TBC1D19: variants seen among roughly 807,000 people sequenced by gnomAD.
TBC1D19 encodes TBC1 domain family member 19, also known as TBC1 domain family, member 19.
In TBC1D19, 60 loss-of-function variants were observed where a neutral mutation model predicts 89.0. That is an observed-to-expected ratio of 0.67 (90% CI 0.55 to 0.84). The LOEUF (loss-of-function observed/expected upper bound fraction) is 0.84, where lower values mean the gene tolerates loss of function less well. TBC1D19 is among the 40% of genes least tolerant of loss of function. TBC1D19 has a pLI of 0.00. For synonymous variants in TBC1D19, 189 were observed against 199.7 expected (o/e 0.95, Z 0.45); for missense variants, 500 against 610.8 (o/e 0.82, Z 1.91).
chr4:26,628,107 C>T (rs540055682), intron 4 of TBC1D19, among the ~76,000 whole-genome samples: 1 of 152,158 alleles, frequency 6.6e-6, no homozygotes, highest in African/African-American at 2.4e-5. Flanking sequence ...CTACATATGG[C>T]TAGCCAGTTT....
At chr4:26,757,460 G>A (rs1719308573), downstream of TBC1D19, among the ~76,000 whole-genome samples, 1 of 152,194 alleles carries the variant, frequency 6.6e-6, no homozygotes, top group Admixed American at 6.5e-5. Flanking sequence ...AGTAAACAGT[G>A]ATACATTGGC....
chr4:26,657,014 T>TCTC (rs1744887649), intron 7 of TBC1D19, among the ~76,000 whole-genome samples: 1 of 120,176 alleles, frequency 8.3e-6, no homozygotes, highest in Non-Finnish European at 1.7e-5. Flanking sequence ...TCCTTCTCCT[T>TCTC]CTCCTTCTCC....
chr4:26,691,745 T>C (rs949872965), intron 13 of TBC1D19, among the ~76,000 whole-genome samples: 2 of 152,230 alleles, frequency 1.3e-5, no homozygotes, highest in Non-Finnish European at 2.9e-5. Context: ...ATATTCACTT[T>C]ATTGTGGTGG....
intron 3 of TBC1D19, among the ~76,000 whole-genome samples, chr4:26,617,730 TC>T (rs1238747211): frequency 6.6e-6 from 1 of 152,258 alleles, no homozygotes; most frequent in Non-Finnish European, 1.5e-5. Flanking sequence ...GTGTTAGTCT[TC>T]ATTGTACTTT....
chr4:26,626,201 G>C (rs1047566848), intron 4 of TBC1D19, among the ~76,000 whole-genome samples: 1 of 152,052 alleles, frequency 6.6e-6, no homozygotes, highest in South Asian at 2.1e-4. Flanking sequence ...GCATGTTAAA[G>C]GTTTGGAGAA....
intron 15 of TBC1D19, among the ~76,000 whole-genome samples, chr4:26,734,957 T>TATATGTATATATGTATACAC (rs1491241666): frequency 4.2e-4 from 25 of 59,330 alleles, no homozygotes; most frequent in Admixed American, 1.2e-3. Flanking sequence ...TACACATATG[T>TATATGTATATATGTATACAC]ATATGTATAT....
At chr4:26,640,770 A>C (rs1478920118) in intron 7 of TBC1D19, among the ~76,000 whole-genome samples, 2 of 152,240 alleles carry the variant, frequency 1.3e-5, no homozygotes, top group Non-Finnish European at 2.9e-5. Context: ...TGCCTGGCTC[A>C]GCAGGTCCCA....
rs148633768 is a variant in TBC1D19, at chr4:26,690,397, T to C, written c.954+1990T>C. On this transcript the variant is annotated intron_variant, in intron 13 of 20. Transcript: ENST00000264866. ...ACACTAAACAACAGATTTTTCAGTG[T>C]AGATGAAACAGCTTTCCATTGGAAG... 1.8e-4 allele frequency among the ~76,000 whole-genome samples: 27 copies of C among 152,334 alleles called. 1 individual carries two copies. Among genetic ancestry groups the C allele is most frequent in the African/African-American group, 5.8e-4 (24 of 41,574 alleles).
the TBC1D19 span, among the ~76,000 whole-genome samples, chr4:26,818,304 C>T: frequency 3.9e-5 from 6 of 152,078 alleles, no homozygotes; most frequent in African/African-American, 7.2e-5. Context: ...CAGTGCTCAC[C>T]GTAGCCTTGT....
chr4:26,578,575 AAGAGAGAG>A (rs143078134), intron 1 of TBC1D19, among the ~76,000 whole-genome samples: 4 of 148,580 alleles, frequency 2.7e-5, no homozygotes, highest in African/African-American at 7.4e-5. Flanking sequence ...GTAGAAATGT[AAGAGAGAG>A]AGAGAGAGAG....
At chr4:26,665,438 A>G (rs993837186) in intron 8 of TBC1D19, among the ~76,000 whole-genome samples, 1 of 152,096 alleles carries the variant, frequency 6.6e-6, no homozygotes, top group Non-Finnish European at 1.5e-5. Flanking sequence ...TAATAGAAAT[A>G]TTTAATTACT....
At chr4:26,619,207 CT>C (rs780946990) in intron 3 of TBC1D19, among the ~76,000 whole-genome samples, 259 of 139,640 alleles carry the variant, frequency 1.9e-3, no homozygotes, top group Admixed American at 3.8e-3. Context: ...TCCTAAATTT[CT>C]TTTTTTTTTT....
chr4:26,776,996 AC>A, the TBC1D19 span, among the ~76,000 whole-genome samples: 32 of 152,008 alleles, frequency 2.1e-4, no homozygotes, highest in Non-Finnish European at 4.1e-4. Context: ...TATTTCAAGA[AC>A]GTTTTGTTGA....
intron 1 of TBC1D19, among the ~76,000 whole-genome samples, chr4:26,577,959 A>G (rs1265680057): frequency 6.6e-6 from 1 of 152,224 alleles, no homozygotes; most frequent in African/African-American, 2.4e-5. Context: ...TGAGCTAAGA[A>G]CTATTGTCTT....
At chr4:26,637,432 G>A in intron 5 of TBC1D19, 147 bp downstream of exon 5, 3 of 579,408 alleles carry the variant, frequency 5.2e-6, no homozygotes, top group Non-Finnish European at 5.6e-6. Flanking sequence ...GAGTGCAGTG[G>A]CGCGATCTTG....
At chr4:26,715,899 T>G (rs1359201846) in intron 13 of TBC1D19, among the ~76,000 whole-genome samples, 1 of 152,096 alleles carries the variant, frequency 6.6e-6, no homozygotes, top group African/African-American at 2.4e-5. Context: ...TGAAAGCCAC[T>G]GTCAATAGTC....
chr4:26,608,442 A>G (rs1044434038), intron 1 of TBC1D19, among the ~76,000 whole-genome samples: 3 of 152,150 alleles, frequency 2.0e-5, no homozygotes, highest in African/African-American at 7.2e-5. Context: ...TTTCGATTTC[A>G]TTTGCAAAAT....
At chr4:26,655,309 C>T (rs567586323) in intron 7 of TBC1D19, among the ~76,000 whole-genome samples, 1 of 152,244 alleles carries the variant, frequency 6.6e-6, no homozygotes, top group African/African-American at 2.4e-5. Context: ...AGTTAAGCTA[C>T]TCGGAGGTCA....
chr4:26,738,954 A>G lies in TBC1D19; in HGVS notation c.1118-910A>G, dbSNP rs1718193483. Among the ~76,000 whole-genome samples, 3 of 152,208 alleles carry G rather than the reference A, an allele frequency of 2.0e-5. No individual in the cohort carries two copies. In the South Asian group the frequency reaches 6.2e-4, roughly 31 times the overall value. ...CATTACCAACAGATTATAGAGCCCC[A>G]GAAATTCTTACTTGTCCAATACATA... On this transcript the variant is annotated intron_variant, in intron 16 of 20. Transcript: ENST00000264866.
Sources: gnomAD v4.1 joint callset for allele counts (sites outside exome capture counted in the v4.1 genomes callset) on GRCh38, gnomAD v4.1.1 for gene constraint, MANE v1.5 for transcripts, NCBI Gene and HGNC (gene_info 2026-07-23, HGNC 2026-07-21) for gene names.